PPARA: variants seen among roughly 807,000 people sequenced by gnomAD.
PPARA encodes peroxisome proliferator-activated receptor alpha.
Under a neutral mutation model 42.2 loss-of-function variants are expected in PPARA, and 22 were observed. The observed-to-expected ratio is 0.52, with a 90% CI of 0.37 to 0.74. The LOEUF (loss-of-function observed/expected upper bound fraction) is 0.74, where lower values mean the gene tolerates loss of function less well. Ranked by LOEUF, PPARA falls within the 30% of genes least tolerant of loss-of-function variation. The pLI, the probability that PPARA is intolerant of heterozygous loss-of-function variation, is 0.00. For missense variants in PPARA, 465 were observed against 608.2 expected, an observed-to-expected ratio of 0.76 and a Z score of 2.48; for synonymous variants, 242 against 239.3, an observed-to-expected ratio of 1.01 and a Z score of -0.10.
At chr22:46,210,812 A>C (rs1281487138) in intron 4 of PPARA, among the ~76,000 whole-genome samples, 1 of 152,178 alleles carries the variant, frequency 6.6e-6, no homozygotes, top group African/African-American at 2.4e-5. Flanking sequence ...TTTCCTATAA[A>C]TATTCTTGAA....
At position 46,219,841 on chromosome 22, in the gene PPARA, G is replaced by A; in HGVS notation, c.538G>A (p.Glu180Lys). The change falls in exon 7 of 9, where the codon GAG becomes AAG. Residue 180 changes from glutamate (E) to lysine (K), a missense_variant. Around this residue, in one of 2 missense-constraint regions of PPARA, gnomAD observed 313 missense variants for 469.1 expected, o/e 0.67. Transcript: ENST00000407236. The surrounding 1 kb of genome is among the most constrained non-coding windows in gnomAD (Gnocchi z 4.8). Reference protein sequence around the residue: ...AIRFGRMPRSEKAKLKAEILT... With the variant: ...AIRFGRMPRSKKAKLKAEILT... ...TCGTTTTGGACGAATGCCAAGATCT[G>A]AGAAAGCAAAACTGAAAGCAGAAAT... 1 of 1,614,204 alleles carries A rather than the reference G, an allele frequency of 6.2e-7. No individual in the cohort carries two copies. Among genetic ancestry groups the A allele is most frequent in the African/African-American group, 1.3e-5 (1 of 75,058 alleles).
intron 3 of PPARA, 129 bp from the exon 4 acceptor site, chr22:46,198,213 G>A: frequency 4.1e-6 from 1 of 245,162 alleles, no homozygotes; most frequent in Non-Finnish European, 6.7e-6. Context: ...ACTCCAGCCT[G>A]GGCAACAGAC....
chr22:46,159,617 ATTG>A (rs1446649469), intron 2 of PPARA, among the ~76,000 whole-genome samples: 1 of 152,206 alleles, frequency 6.6e-6, no homozygotes, highest in Non-Finnish European at 1.5e-5. Flanking sequence ...AAGGCACTCA[ATTG>A]TTGTAATACT....
chr22:46,234,969 G>A lies in PPARA; in HGVS notation c.1160-164G>A, dbSNP rs1041273564. On this transcript the variant is annotated intron_variant, in intron 8 of 8. Coordinates refer to ENST00000407236, the MANE Select transcript of PPARA (RefSeq NM_005036.6). This position sits in a 1 kb window ranked among gnomAD's most constrained non-coding sequence, Gnocchi z 5.8. ...GTCCCTACTTCACCTATTGACTTTG[G>A]AAAAACCTATGTCTATCTTCCAGTC... 2.0e-5 allele frequency among the ~76,000 whole-genome samples: 3 copies of A among 152,098 alleles called. No homozygotes were observed. Among genetic ancestry groups the A allele is most frequent in the Non-Finnish European group, 2.9e-5 (2 of 68,016 alleles).
At position 46,191,101 on chromosome 22, in the gene PPARA, G is replaced by A. The variant is rs1030900690; in HGVS notation, c.-42-7241G>A. Among the ~76,000 whole-genome samples, 1 of 152,072 alleles carries A rather than the reference G, an allele frequency of 6.6e-6. No individual in the cohort carries two copies. Among genetic ancestry groups the A allele is most frequent in the Non-Finnish European group, 1.5e-5 (1 of 68,026 alleles). ...CCAGCTACTCAGGAGGCTGAGGCAC[G>A]AGAATCGCTTGAACCCGGGAGGCGT... On this transcript the variant is annotated intron_variant, in intron 3 of 8. Coordinates refer to ENST00000407236, the MANE Select transcript of PPARA (RefSeq NM_005036.6). The surrounding 1 kb of genome is among the most constrained non-coding windows in gnomAD (Gnocchi z 4.6).
chr22:46,207,127 A>G (rs1190075857), intron 4 of PPARA, among the ~76,000 whole-genome samples: 1 of 151,510 alleles, frequency 6.6e-6, no homozygotes, highest in African/African-American at 2.4e-5. Flanking sequence ...GGAGGCTGAG[A>G]CAGGAGAATT....
Position 46,188,475 on chromosome 22 carries a change from AG to A in PPARA, c.-42-9866del, listed in dbSNP as rs149078727. 0.013 allele frequency among the ~76,000 whole-genome samples: 1,961 copies of A among 152,172 alleles called. 37 individuals carry two copies. The highest frequency in any genetic ancestry group is 0.045 in the African/African-American group (1,865 of 41,498). On this transcript the variant is annotated intron_variant, in intron 3 of 8. Transcript: ENST00000407236. This position sits in a 1 kb window ranked among gnomAD's most constrained non-coding sequence, Gnocchi z 5.0. Reference sequence around the variant, plus strand: ...CTCCCTGGCCCTCCAGGATTCCCCCAGTAACAGCCCTCATCATGCTGCCTTT... The same window carrying A: ...CTCCCTGGCCCTCCAGGATTCCCCCATAACAGCCCTCATCATGCTGCCTTT...
Position 46,188,588 on chromosome 22 carries a change from A to T in PPARA, c.-42-9754A>T, listed in dbSNP as rs1365464342. The T allele has an allele frequency of 2.6e-5, 4 of 152,194 alleles. No homozygotes were observed. Among genetic ancestry groups the T allele is most frequent in the African/African-American group, 9.7e-5 (4 of 41,448 alleles). 9.4% of individuals were successfully genotyped at this position (152,194 alleles called of 1,614,324 possible). A position where few individuals can be genotyped will look rare whatever the true frequency, so the allele number is the denominator to read the frequency against. On this transcript the variant is annotated intron_variant, in intron 3 of 8. Transcript: ENST00000407236. This position sits in a 1 kb window ranked among gnomAD's most constrained non-coding sequence, Gnocchi z 5.0. Reference sequence around the variant, plus strand: ...ACCTCTGCATTTTTCTTCTTTATAAATGGGACCAATAATACCTACCCTGCC... The same window carrying T: ...ACCTCTGCATTTTTCTTCTTTATAATTGGGACCAATAATACCTACCCTGCC...
At chr22:46,213,581 CT>C (rs371062401) in intron 4 of PPARA, among the ~76,000 whole-genome samples, 30 of 144,482 alleles carry the variant, frequency 2.1e-4, no homozygotes, top group African/African-American at 3.6e-4. Context: ...CTAACTTTTT[CT>C]TTTTTTTTTC....
intron 7 of PPARA, among the ~76,000 whole-genome samples, chr22:46,223,748 G>A (rs533987189): frequency 2.0e-5 from 3 of 151,706 alleles, no homozygotes; most frequent in African/African-American, 4.8e-5. Context: ...TCAGGAGTTC[G>A]AGACCAGCCT....
In PPARA at chr22:46,216,840, C is replaced by T. The variant is rs899370318; in HGVS notation, c.370-1423C>T. Among the ~76,000 whole-genome samples the T allele has an allele frequency of 4.6e-5, 7 of 152,210 alleles. No homozygotes were observed. Among genetic ancestry groups the T allele is most frequent in the Non-Finnish European group, 8.8e-5 (6 of 68,040 alleles). Reference sequence around the variant, plus strand: ...GTGATGAGGAGAGCTCCTGTAGCAGCGTCCCTTTAGGGTTGCACAGACGTG... The same window carrying T: ...GTGATGAGGAGAGCTCCTGTAGCAGTGTCCCTTTAGGGTTGCACAGACGTG... On this transcript the variant is annotated intron_variant, in intron 5 of 8. Transcript: ENST00000407236. This position sits in a 1 kb window ranked among gnomAD's most constrained non-coding sequence, Gnocchi z 4.5.
rs911685630 is a variant in PPARA, at chr22:46,162,621, C to T, written c.-127+10651C>T. 1.1e-4 allele frequency among the ~76,000 whole-genome samples: 17 copies of T among 152,280 alleles called. No individual in the cohort carries two copies. The highest frequency in any genetic ancestry group is 2.9e-4 in the African/African-American group (12 of 41,560). On this transcript the variant is annotated intron_variant, in intron 2 of 8. Transcript: ENST00000407236. This position sits in a 1 kb window ranked among gnomAD's most constrained non-coding sequence, Gnocchi z 6.0. Reference sequence around the variant, plus strand: ...GTGACAGTGGCTCTCCCTGAGACCCCGTGAGGCCAGAGTCCTTGGCTCATC... The same window carrying T: ...GTGACAGTGGCTCTCCCTGAGACCCTGTGAGGCCAGAGTCCTTGGCTCATC...
rs1931821704 is a variant in PPARA at position 46,193,411 on chromosome 22, A to G, written c.-42-4931A>G. Among the ~76,000 whole-genome samples the G allele has an allele frequency of 6.6e-6, 1 of 152,112 alleles. No individual in the cohort carries two copies. Among genetic ancestry groups the G allele is most frequent in the African/African-American group, 2.4e-5 (1 of 41,420 alleles). Reference sequence around the variant, plus strand: ...GGCGACTATAGTCAATAATAACTTAATGGTATATTTTTAAATAACTTAAAG... The same window carrying G: ...GGCGACTATAGTCAATAATAACTTAGTGGTATATTTTTAAATAACTTAAAG... On this transcript the variant is annotated intron_variant, in intron 3 of 8. Coordinates refer to ENST00000407236, the MANE Select transcript of PPARA (RefSeq NM_005036.6). This position sits in a 1 kb window ranked among gnomAD's most constrained non-coding sequence, Gnocchi z 5.3.
chr22:46,186,419 G>A (rs1441195566), intron 3 of PPARA, among the ~76,000 whole-genome samples: 1 of 152,112 alleles, frequency 6.6e-6, no homozygotes, highest in African/African-American at 2.4e-5. Context: ...AGTTTGGGAA[G>A]ACCAGCCGGG....
rs1172053643 is a variant in PPARA, at chr22:46,224,621, CTTCATTTCTGT to C, written c.711+4610_711+4620del. 6.6e-6 allele frequency among the ~76,000 whole-genome samples: 1 copy of C among 152,160 alleles called. No individual in the cohort carries two copies. Among genetic ancestry groups the C allele is most frequent in the East Asian group, 1.9e-4 (1 of 5,188 alleles). On this transcript the variant is annotated intron_variant, in intron 7 of 8. Coordinates refer to ENST00000407236, the MANE Select transcript of PPARA (RefSeq NM_005036.6). The surrounding 1 kb of genome is among the most constrained non-coding windows in gnomAD (Gnocchi z 5.7). ...CACTGACCTCAGGGCCGGCGGCTGA[CTTCATTTCTGT>C]TTGGGGATGAGAGGCGGCACAGTAA...
rs369498307 is a variant in PPARA, at chr22:46,220,004, G to A, written c.701G>A (p.Ser234Asn). The change falls in exon 7 of 9, where the codon AGT becomes AAT. Residue 234 changes from serine to asparagine, a missense_variant. Coordinates refer to ENST00000407236, the MANE Select transcript of PPARA (RefSeq NM_005036.6). ...KARVILSGKA[S>N]NNPPFVIHDM... is the part of the protein sequence containing the mutation. ...CGGGTCATCCTCTCAGGAAAGGCCA[G>A]TAACAATCCAGTAGGTGTTTGCGGC... 18 of 1,613,952 alleles carry A rather than the reference G, an allele frequency of 1.1e-5. No homozygotes were observed. The highest frequency in any genetic ancestry group is 1.4e-5 in the Non-Finnish European group (16 of 1,180,038).
chr22:46,153,922 T>G (rs1924861055), intron 2 of PPARA, among the ~76,000 whole-genome samples: 1 of 152,224 alleles, frequency 6.6e-6, no homozygotes, highest in Non-Finnish European at 1.5e-5. Flanking sequence ...AAAATGTGTC[T>G]TCTTTATACA....
rs760433417 is a variant in PPARA at position 46,167,469 on chromosome 22, T to C, written c.-126-9284T>C. Among the ~76,000 whole-genome samples the C allele has an allele frequency of 1.3e-5, 2 of 151,706 alleles. No individual in the cohort carries two copies. The highest frequency in any genetic ancestry group is 2.9e-5 in the Non-Finnish European group (2 of 67,960). Reference sequence around the variant, plus strand: ...AGTTACAAGACCATCCTGGGCAACATAGCGAAACACCGTCTCTACAAAAAA... The same window carrying C: ...AGTTACAAGACCATCCTGGGCAACACAGCGAAACACCGTCTCTACAAAAAA... On this transcript the variant is annotated intron_variant, in intron 2 of 8. Coordinates refer to ENST00000407236, the MANE Select transcript of PPARA (RefSeq NM_005036.6). This position sits in a 1 kb window ranked among gnomAD's most constrained non-coding sequence, Gnocchi z 4.1.
chr22:46,170,907 A>C (rs1394749204), intron 2 of PPARA, among the ~76,000 whole-genome samples: 1 of 151,340 alleles, frequency 6.6e-6, no homozygotes, highest in Admixed American at 6.6e-5. Context: ...CACGCCTGTA[A>C]TCCCAGCACT....
Sources: gnomAD v4.1 joint callset for allele counts (sites outside exome capture counted in the v4.1 genomes callset) on GRCh38, gnomAD v4.1.1 for gene constraint, gnomAD v4.1.1 regional missense constraint, Gnocchi (gnomAD v3.1) non-coding constraint, MANE v1.5 for transcripts, NCBI Gene and HGNC (gene_info 2026-07-23, HGNC 2026-07-21) for gene names.